Variants in DACT1 observed in about 807,000 individuals in gnomAD.
The protein encoded by DACT1 is dapper homolog 1.
In DACT1, 19 loss-of-function variants were observed where a neutral mutation model predicts 35.3. That is an observed-to-expected ratio of 0.54 (90% CI 0.38 to 0.79). DACT1 has a LOEUF of 0.79. Ranked by LOEUF, DACT1 falls within the 30% of genes least tolerant of loss-of-function variation. The pLI is 0.00. For synonymous variants in DACT1, 545 were observed against 466.7 expected, an observed-to-expected ratio of 1.17 and a Z score of -2.16; for missense variants, 1,143 against 1,057.5, an observed-to-expected ratio of 1.08 and a Z score of -1.12.
At chr14:58,642,234 C>T (rs1307587298) in intron 3 of DACT1, among the ~76,000 whole-genome samples, 2 of 152,086 alleles carry the variant, frequency 1.3e-5, no homozygotes, top group African/African-American at 4.8e-5. Context: ...TGACTATAAT[C>T]CTAGCACTTT....
chr14:58,640,661 G>T, intron 1 of DACT1, 75 bp from the exon 2 acceptor site: 1 of 1,564,858 alleles, frequency 6.4e-7, no homozygotes, highest in South Asian at 1.2e-5. Context: ...TGGGTAATTT[G>T]AATCCTTAGA....
rs762762559 is a variant in DACT1 at position 58,646,680 on chromosome 14, C to G, written c.1946C>G (p.Ser649Cys). The change falls in exon 4 of 4, where the codon TCC becomes TGC. Residue 649 changes from serine to cysteine, a missense_variant. Ser to Cys is a moderately radical substitution (Grantham distance 112). Around this residue, in one of 3 missense-constraint regions of DACT1, gnomAD observed 1,054 missense variants for 958.8 expected, o/e 1.10. Transcript: ENST00000395153. ...CGGTGGAAGTCCTCGGCCGAGATTT[C>G]CTACGAAGAGGCCCTGAGGAGGGCC... ...YRRWKSSAEI[S>C]YEEALRRARR... 8 of 1,612,702 alleles carry G rather than the reference C, an allele frequency of 5.0e-6. No individual in the cohort carries two copies. Among genetic ancestry groups the G allele is most frequent in the Non-Finnish European group, 5.9e-6 (7 of 1,179,866 alleles).
intron 3 of DACT1, 150 bp from the exon 4 acceptor site, chr14:58,645,219 A>G: frequency 1.3e-6 from 2 of 1,542,778 alleles, no homozygotes; most frequent in Non-Finnish European, 1.8e-6. Flanking sequence ...GGTGCTGACC[A>G]ATTCATTTCT....
intron 3 of DACT1, among the ~76,000 whole-genome samples, chr14:58,643,554 C>G (rs2047646895): frequency 6.6e-6 from 1 of 152,174 alleles, no homozygotes; most frequent in Non-Finnish European, 1.5e-5. Flanking sequence ...GCCTCAAGTT[C>G]ATTGGTAATT....
In DACT1 at chr14:58,648,284, G is replaced by T. The variant is rs2047715332; in HGVS notation, c.*1150G>T. ...CATTTGTTTTACTGCTGTTAAGTTT[G>T]TTATTTGGGTATAAAACCAGATGTT... On this transcript the variant is annotated 3_prime_UTR_variant, in exon 4 of 4. Coordinates refer to ENST00000395153, the MANE Select transcript of DACT1 (RefSeq NM_001079520.2). The T allele has an allele frequency of 6.0e-6, 1 of 166,976 alleles. No homozygotes were observed. Among genetic ancestry groups the T allele is most frequent in the South Asian group, 2.1e-4 (1 of 4,820 alleles). The allele number at this position is 166,976 out of a possible 1,614,324, so 10.3% of individuals were successfully genotyped here. A position where few individuals can be genotyped will look rare whatever the true frequency, so the allele number is the denominator to read the frequency against.
chr14:58,637,790 G>A (rs2047585390), upstream of DACT1, among the ~76,000 whole-genome samples: 1 of 151,870 alleles, frequency 6.6e-6, no homozygotes, highest in Non-Finnish European at 1.5e-5. Context: ...GGGCGAGGAG[G>A]GGCGGGGAGG....
Position 58,645,324 on chromosome 14 carries a change from G to A in DACT1, c.635-45G>A, listed in dbSNP as rs372495797. ...GACCAGGCCTCAGGGGCAGTTTGCC[G>A]TTCCCTCTCCACACCACAATTTAAT... On this transcript the variant is annotated intron_variant, in intron 3 of 3. Transcript: ENST00000395153. 75 of 1,614,048 alleles carry A rather than the reference G, an allele frequency of 4.6e-5. 1 individual carries two copies. The Admixed American group carries it at 6.5e-4, about 14-fold the overall frequency.
Position 58,645,989 on chromosome 14 carries a change from G to A in DACT1, c.1255G>A (p.Ala419Thr), listed in dbSNP as rs1335438354. 3 of 1,613,844 alleles carry A rather than the reference G, an allele frequency of 1.9e-6. No individual in the cohort carries two copies. Among genetic ancestry groups the A allele is most frequent in the Non-Finnish European group, 2.5e-6 (3 of 1,180,030 alleles). Residue 419 changes from alanine to threonine, a missense_variant, in exon 4 of 4, where the codon GCC (alanine) becomes ACC (threonine). Ala to Thr is a moderately conservative substitution (Grantham distance 58). This residue lies in a region of DACT1 where 1,054 missense variants were observed against 958.8 expected (regional missense o/e 1.10). Transcript: ENST00000395153. ...TCAGAGTAAGCACCTGCCAAAAACG[G>A]CCAAGCCAGCCTCGCAAGAACATGC... Reference protein sequence around the residue: ...DLQSKHLPKTAKPASQEHARC... With the variant: ...DLQSKHLPKTTKPASQEHARC...
rs959406818 is a variant in DACT1, at chr14:58,646,574, C to T, written c.1840C>T (p.His614Tyr). 23 of 1,569,284 alleles carry T rather than the reference C, an allele frequency of 1.5e-5. No homozygotes were observed. Among genetic ancestry groups the T allele is most frequent in the Non-Finnish European group, 1.7e-5 (20 of 1,158,658 alleles). ...GVPGRPAGGG[H>Y]RAGSRAHGHG... is the part of the protein sequence containing the mutation. ...TCCCGGCAGGCCCGCGGGCGGGGGC[C>T]ACAGGGCGGGGAGCAGGGCGCATGG... The change falls in exon 4 of 4, where the codon CAC (histidine) becomes TAC (tyrosine). Residue 614 changes from histidine to tyrosine, a missense_variant. His to Tyr is a moderately conservative substitution (Grantham distance 83). Coordinates refer to ENST00000395153, the MANE Select transcript of DACT1 (RefSeq NM_001079520.2).
In DACT1 at chr14:58,638,474, G is replaced by C. The variant is rs1481076296; in HGVS notation, c.272G>C (p.Gly91Ala). 3 of 1,358,996 alleles carry C rather than the reference G, an allele frequency of 2.2e-6. No homozygotes were observed. The highest frequency in any genetic ancestry group is 2.1e-4 in the Middle Eastern group (1 of 4,716). The allele number at this position is 1,358,996 out of a possible 1,614,324, so 84.2% of individuals were successfully genotyped here. The change falls in exon 1 of 4, where the codon GGG (glycine) becomes GCG (alanine). Residue 91 changes from glycine (G) to alanine (A), a missense_variant. Gly to Ala is a moderately conservative substitution (Grantham distance 60, BLOSUM62 0). Around this residue, in one of 3 missense-constraint regions of DACT1, gnomAD observed 1,054 missense variants for 958.8 expected, o/e 1.10. Coordinates refer to ENST00000395153, the MANE Select transcript of DACT1 (RefSeq NM_001079520.2). Reference sequence around the variant, plus strand: ...GCGCCCCGCGCTGGGGAGCTACTGGGGGAGGCGGCGCAGCGCAGTCGCCTG... The same window carrying C: ...GCGCCCCGCGCTGGGGAGCTACTGGCGGAGGCGGCGCAGCGCAGTCGCCTG... ...AAAPRAGELL[G>A]EAAQRSRLEE...
chr14:58,640,908 A>T, intron 2 of DACT1, 40 bp downstream of exon 2: 1 of 1,611,874 alleles, frequency 6.2e-7, no homozygotes, highest in Admixed American at 1.7e-5. Context: ...TGCACTCTTG[A>T]GTTGTATCTC....
rs776874389 is a variant in DACT1 at position 58,647,014 on chromosome 14, G to A, written c.2280G>A (p.Thr760=). 6.2e-7 allele frequency: 1 copy of A among 1,614,132 alleles called. No individual in the cohort carries two copies. The highest frequency in any genetic ancestry group is 8.5e-7 in the Non-Finnish European group (1 of 1,180,018). Reference sequence around the variant, plus strand: ...AGACTCTGCCCATTCAAACGGTAACGGCCCCAGACCTTCACAACCACCCCG... The same window carrying A: ...AGACTCTGCCCATTCAAACGGTAACAGCCCCAGACCTTCACAACCACCCCG... The part of the protein sequence containing the change: ...FVQTLPIQTV[T]APDLHNHPAK... The change falls in exon 4 of 4, where the codon ACG becomes ACA. Residue 760 remains threonine, a synonymous_variant. Coordinates refer to ENST00000395153, the MANE Select transcript of DACT1 (RefSeq NM_001079520.2).
At chr14:58,636,469 C>A (rs2047573118), upstream of DACT1, among the ~76,000 whole-genome samples, 1 of 152,094 alleles carries the variant, frequency 6.6e-6, no homozygotes, top group African/African-American at 2.4e-5. Flanking sequence ...AGAAGAGATA[C>A]ACATAAACAC....
In DACT1 at chr14:58,646,769, C is replaced by T. The variant is rs1238852307; in HGVS notation, c.2035C>T (p.Pro679Ser). The change falls in exon 4 of 4, where the codon CCC (proline) becomes TCC (serine). Residue 679 changes from proline to serine, a missense_variant. By Grantham distance (74) the Pro-to-Ser change is moderately conservative (BLOSUM62 -1). Coordinates refer to ENST00000395153, the MANE Select transcript of DACT1 (RefSeq NM_001079520.2). ...PAPVPLPYASPYAYVASDSEY... is the reference protein window; with the variant it reads ...PAPVPLPYASSYAYVASDSEY... ...GCCTGTGCCTCTGCCCTACGCCAGC[C>T]CCTACGCCTACGTGGCTAGCGACTC... 11 of 1,614,000 alleles carry T rather than the reference C, an allele frequency of 6.8e-6. No homozygotes were observed. Among genetic ancestry groups the T allele is most frequent in the Admixed American group, 1.7e-5 (1 of 60,008 alleles).
At position 58,645,494 on chromosome 14, in the gene DACT1, C is replaced by G. The variant is rs375963448; in HGVS notation, c.760C>G (p.Pro254Ala). ...GTTTCTCCTTTGTCTGACGGGCAAC[C>G]CTCTGAGGGAAGAGGACAGGCTTGG... is the stretch of plus-strand genomic sequence containing the variant. ...PMFLLCLTGN[P>A]LREEDRLGNH... The change falls in exon 4 of 4, where the codon CCT becomes GCT. Residue 254 changes from proline (P) to alanine (A), a missense_variant. Physicochemically the swap from Pro to Ala is conservative, Grantham distance 27. Around this residue, in one of 3 missense-constraint regions of DACT1, gnomAD observed 1,054 missense variants for 958.8 expected, o/e 1.10. Transcript: ENST00000395153. 4.3e-5 allele frequency: 70 copies of G among 1,614,066 alleles called. No homozygotes were observed. Among genetic ancestry groups the G allele is most frequent in the Non-Finnish European group, 5.3e-5 (63 of 1,180,042 alleles).
intron 2 of DACT1, among the ~76,000 whole-genome samples, chr14:58,641,212 T>TC (rs1419133451): frequency 6.6e-6 from 1 of 151,560 alleles, no homozygotes; most frequent in Middle Eastern, 3.2e-3. Context: ...TCAAAAGTTT[T>TC]TTTTTTTTTT....
In DACT1 at chr14:58,646,537, C is replaced by T. The variant is rs529001801; in HGVS notation, c.1803C>T (p.Pro601=). ...SSKGRKSGGG[P]EAGVPGRPAG... is the part of the protein sequence containing the mutation. Reference sequence around the variant, plus strand: ...AGGGGAGGAAGAGTGGGGGCGGGCCCGAGGCTGGTGTTCCCGGCAGGCCCG... The same window carrying T: ...AGGGGAGGAAGAGTGGGGGCGGGCCTGAGGCTGGTGTTCCCGGCAGGCCCG... The change falls in exon 4 of 4, where the codon CCC becomes CCT. Residue 601 remains proline, a synonymous_variant. Transcript: ENST00000395153. 6.9e-5 allele frequency: 107 copies of T among 1,554,886 alleles called. No individual in the cohort carries two copies. Among genetic ancestry groups the T allele is most frequent in the South Asian group, 6.3e-4 (53 of 84,502 alleles).
rs1555330241 is a variant in DACT1 at position 58,648,043 on chromosome 14, C to G, written c.*909C>G. 6.0e-6 allele frequency: 1 copy of G among 167,010 alleles called. No individual in the cohort carries two copies. Among genetic ancestry groups the G allele is most frequent in the Non-Finnish European group, 1.5e-5 (1 of 68,114 alleles). The allele number at this position is 167,010 out of a possible 1,614,324, so 10.3% of individuals were successfully genotyped here. On this transcript the variant is annotated 3_prime_UTR_variant, in exon 4 of 4. Coordinates refer to ENST00000395153, the MANE Select transcript of DACT1 (RefSeq NM_001079520.2). ...TTAGTGCAATCCAGTCCAGATTGGA[C>G]CTTTGATCCTATGTGGAAGGGCTGT...
chr14:58,642,819 CTTGTT>C, intron 3 of DACT1, among the ~76,000 whole-genome samples: 1 of 152,334 alleles, frequency 6.6e-6, no homozygotes, highest in South Asian at 2.1e-4. Flanking sequence ...ATGATGGCAG[CTTGTT>C]TTTTCTTTTA....
Sources: gnomAD v4.1 joint callset for allele counts (sites outside exome capture counted in the v4.1 genomes callset) on GRCh38, gnomAD v4.1.1 for gene constraint, gnomAD v4.1.1 regional missense constraint, MANE v1.5 for transcripts, NCBI Gene and HGNC (gene_info 2026-07-23, HGNC 2026-07-21) for gene names.